DISC1: variants seen among roughly 807,000 people sequenced by gnomAD.
DISC1 encodes the protein DISC1 scaffold protein.
Under a neutral mutation model 84.5 loss-of-function variants are expected in DISC1, and 57 were observed. That is an observed-to-expected ratio of 0.67 (90% CI 0.55 to 0.84). The LOEUF (loss-of-function observed/expected upper bound fraction) is 0.84. Among genes scored for constraint, DISC1 ranks in the 40% least tolerant of loss-of-function variants. DISC1 has a pLI of 0.00. For synonymous variants in DISC1, 411 were observed against 415.2 expected, an observed-to-expected ratio of 0.99 and a Z score of 0.12; for missense variants, 1,000 against 1,057.8, an observed-to-expected ratio of 0.95 and a Z score of 0.76.
intron 8 of DISC1, among the ~76,000 whole-genome samples, chr1:231,800,549 A>G (rs916786511): frequency 2.0e-5 from 3 of 152,134 alleles, no homozygotes; most frequent in Non-Finnish European, 2.9e-5. Flanking sequence ...TATAGAGGGA[A>G]GGATGGTAAC....
chr1:231,985,376 C>T (rs575799594), intron 10 of DISC1, among the ~76,000 whole-genome samples: 55 of 151,778 alleles, frequency 3.6e-4, no homozygotes, highest in Non-Finnish European at 7.1e-4. Context: ...AAAGTAGTAC[C>T]CCCTTCAGTG....
intron 9 of DISC1, among the ~76,000 whole-genome samples, chr1:231,914,203 C>T (rs1057340478): frequency 2.0e-5 from 3 of 152,122 alleles, no homozygotes; most frequent in African/African-American, 2.4e-5. Context: ...AGTGAATTCA[C>T]GAGGAAAAGG....
At chr1:232,036,536 A>G (rs1372820126) in intron 12 of DISC1, among the ~76,000 whole-genome samples, 156 bp from the exon 13 acceptor site, 1 of 152,260 alleles carries the variant, frequency 6.6e-6, no homozygotes, top group Non-Finnish European at 1.5e-5. Context: ...TGTAAAGTTT[A>G]TATTAATATT....
At chr1:231,820,566 A>G (rs1404198935) in intron 9 of DISC1, among the ~76,000 whole-genome samples, 1 of 152,226 alleles carries the variant, frequency 6.6e-6, no homozygotes. Context: ...AAGGCAACTC[A>G]TGGATGATCA....
intron 9 of DISC1, among the ~76,000 whole-genome samples, chr1:231,890,453 A>T (rs1397862658): frequency 1.3e-5 from 2 of 152,250 alleles, no homozygotes; most frequent in Non-Finnish European, 2.9e-5. Flanking sequence ...AAATTTTTTG[A>T]ATAATAAGTA....
intron 1 of DISC1, among the ~76,000 whole-genome samples, chr1:231,634,447 G>GTT (rs1461428230): frequency 6.6e-6 from 1 of 152,170 alleles, no homozygotes; most frequent in East Asian, 1.9e-4. Context: ...AAGAAAAAAA[G>GTT]TTTGCGTATT....
At chr1:231,966,801 T>G (rs1024903110) in intron 10 of DISC1, among the ~76,000 whole-genome samples, 1 of 152,240 alleles carries the variant, frequency 6.6e-6, no homozygotes, top group Non-Finnish European at 1.5e-5. Flanking sequence ...TCTCGAGCAC[T>G]TAGTGGATTA....
At chr1:231,822,794 C>T (rs573145603) in intron 9 of DISC1, among the ~76,000 whole-genome samples, 8 of 152,254 alleles carry the variant, frequency 5.3e-5, no homozygotes, top group Admixed American at 5.2e-4. Context: ...GCTGCTTCCA[C>T]TCATGGCAGA....
chr1:231,771,625 G>A (rs1220219260), intron 6 of DISC1: 29 of 981,104 alleles, frequency 3.0e-5, no homozygotes, highest in South Asian at 2.4e-4. Context: ...GAGGAAAAAC[G>A]TTTAAGAAGG....
intron 1 of DISC1, among the ~76,000 whole-genome samples, chr1:231,639,752 C>T (rs2059483378): frequency 6.6e-6 from 1 of 152,136 alleles, no homozygotes; most frequent in African/African-American, 2.4e-5. Context: ...TTTGTCACAA[C>T]CTGTCATCAT....
intron 9 of DISC1, among the ~76,000 whole-genome samples, chr1:231,888,785 TC>T (rs1216482079): frequency 2.1e-5 from 3 of 142,028 alleles, no homozygotes; most frequent in Non-Finnish European, 4.6e-5. Context: ...AGTGCCCCCA[TC>T]CACAGGGCTG....
chr1:231,782,784 A>G (rs980010228), intron 6 of DISC1, among the ~76,000 whole-genome samples: 3 of 152,000 alleles, frequency 2.0e-5, no homozygotes, highest in Non-Finnish European at 2.9e-5. Context: ...CCAAAAAAAA[A>G]TACAAAAATT....
chr1:231,968,650 A>C (rs906783339), intron 10 of DISC1, among the ~76,000 whole-genome samples: 1 of 151,742 alleles, frequency 6.6e-6, no homozygotes, highest in Non-Finnish European at 1.5e-5. Flanking sequence ...CACACACAAA[A>C]ACCTGTTTCT....
intron 9 of DISC1, among the ~76,000 whole-genome samples, chr1:231,874,188 T>C (rs890487167): frequency 1.3e-5 from 2 of 151,850 alleles, no homozygotes; most frequent in Non-Finnish European, 2.9e-5. Context: ...AGAAAAAGTC[T>C]CACTCTGTCA....
intron 9 of DISC1, among the ~76,000 whole-genome samples, chr1:231,890,039 CTGT>C (rs1199797803): frequency 6.6e-6 from 1 of 152,192 alleles, no homozygotes; most frequent in Admixed American, 6.5e-5. Flanking sequence ...TTGGGGGCTG[CTGT>C]TATGAGAAAT....
At chr1:231,930,243 T>G (rs2090575970) in intron 9 of DISC1, among the ~76,000 whole-genome samples, 1 of 152,138 alleles carries the variant, frequency 6.6e-6, no homozygotes, top group Non-Finnish European at 1.5e-5. Flanking sequence ...ATGAGAGATG[T>G]GAGGTCAGGG....
At chr1:231,725,852 G>A (rs1280793656) in intron 3 of DISC1, among the ~76,000 whole-genome samples, 1 of 152,162 alleles carries the variant, frequency 6.6e-6, no homozygotes, top group Non-Finnish European at 1.5e-5. Flanking sequence ...GCTGGTCTCG[G>A]GGGTGGTGTC....
At chr1:231,800,638 T>A (rs2079156915) in intron 8 of DISC1, among the ~76,000 whole-genome samples, 1 of 152,178 alleles carries the variant, frequency 6.6e-6, no homozygotes, top group Non-Finnish European at 1.5e-5. Context: ...TGCTCCCTCT[T>A]ACTCTGGCAG....
chr1:232,017,725 G>A (rs1668615801), intron 11 of DISC1, among the ~76,000 whole-genome samples: 1 of 152,116 alleles, frequency 6.6e-6, no homozygotes, highest in South Asian at 2.1e-4. Flanking sequence ...TAGCAAGGGT[G>A]GAAGTAACTG....
Sources: allele counts gnomAD v4.1 joint callset (sites outside exome capture counted in the v4.1 genomes callset), GRCh38; gene constraint gnomAD v4.1.1; transcripts MANE v1.5; gene names NCBI Gene and HGNC (gene_info 2026-07-23, HGNC 2026-07-21).